The following CUX1 variants were observed in gnomAD, a reference collection of about 807,000 sequenced individuals.
CUX1 encodes the protein protein CASP.
CUX1 carries 31 observed loss-of-function variants against 158.8 expected under a neutral mutation model. That is an observed-to-expected ratio of 0.20 (90% CI 0.15 to 0.26). The LOEUF (loss-of-function observed/expected upper bound fraction) is 0.26. Among genes scored for constraint, CUX1 ranks in the 10% least tolerant of loss-of-function variants. The probability of loss-of-function intolerance (pLI) is 1.00; values close to 1 mark genes in which losing one functional copy is unlikely to be tolerated. For synonymous variants in CUX1, 879 were observed against 862.1 expected, an observed-to-expected ratio of 1.02 and a Z score of -0.34; for missense variants, 1,589 against 2,014.6, an observed-to-expected ratio of 0.79 and a Z score of 4.04.
At chr7:102,126,163 A>G (rs931157213) in intron 8 of CUX1, among the ~76,000 whole-genome samples, 2 of 144,656 alleles carry the variant, frequency 1.4e-5, no homozygotes, top group African/African-American at 5.2e-5. Context: ...ACAAGTGTGC[A>G]CCACCATTTC....
intron 20 of CUX1, among the ~76,000 whole-genome samples, chr7:102,281,318 T>C (rs1554549181): frequency 1.3e-5 from 2 of 151,584 alleles, no homozygotes; most frequent in Admixed American, 6.6e-5. Context: ...TACAGTGAGC[T>C]GTGACCACTA....
At chr7:101,983,447 G>GCCAC (rs1158969817) in intron 2 of CUX1, among the ~76,000 whole-genome samples, 1 of 152,180 alleles carries the variant, frequency 6.6e-6, no homozygotes, top group Non-Finnish European at 1.5e-5. Flanking sequence ...ACCCTGGGGT[G>GCCAC]CCCTGGGCCC....
intron 16 of CUX1, 131 bp from the exon 17 acceptor site, chr7:102,199,940 G>A: frequency 1.6e-6 from 1 of 640,160 alleles, no homozygotes; most frequent in Non-Finnish European, 2.7e-6. Flanking sequence ...ACAGGCCACT[G>A]GGAGGCCACA....
chr7:102,246,471 C>A (rs1297532469), intron 23 of CUX1, among the ~76,000 whole-genome samples: 4 of 152,174 alleles, frequency 2.6e-5, no homozygotes, highest in African/African-American at 9.7e-5. Flanking sequence ...CTGCACCCCA[C>A]CAGAGTTCAA....
chr7:101,948,308 G>A (rs988924522), intron 2 of CUX1, among the ~76,000 whole-genome samples: 1 of 152,186 alleles, frequency 6.6e-6, no homozygotes, highest in African/African-American at 2.4e-5. Flanking sequence ...GTTGTTGAGG[G>A]TTTTCTAAAA....
At chr7:102,104,069 T>C (rs1182448759) in intron 5 of CUX1, among the ~76,000 whole-genome samples, 1 of 152,168 alleles carries the variant, frequency 6.6e-6, no homozygotes, top group African/African-American at 2.4e-5. Context: ...CCCACCCTTT[T>C]TTTTCTTTAA....
Position 101,817,735 on chromosome 7 carries a change from G to GA in CUX1, c.30+66_30+67insA. ...CGGAGGGAACCGGGGATGTCGGGGG[G>GA]TGCCCGGGTCCCGCGGCTTAGAATG... On this transcript the variant is annotated intron_variant, in intron 1 of 23. Transcript: ENST00000292535. This position sits in a 1 kb window ranked among gnomAD's most constrained non-coding sequence, Gnocchi z 4.1. 1.3e-6 allele frequency: 2 copies of GA among 1,535,706 alleles called. No homozygotes were observed. The highest frequency in any genetic ancestry group is 2.0e-5 in the Admixed American group (1 of 50,484).
chr7:102,131,763 C>G (rs1262063033), intron 8 of CUX1, among the ~76,000 whole-genome samples: 1 of 151,564 alleles, frequency 6.6e-6, no homozygotes, highest in Admixed American at 6.6e-5. Context: ...ACCTCTGCCT[C>G]CCAGGTTCAA....
At position 102,097,414 on chromosome 7, in the gene CUX1, C is replaced by T. The variant is rs782680467; in HGVS notation, c.319C>T (p.Arg107Cys). The change falls in exon 5 of 24, where the codon CGC becomes TGC. Residue 107 changes from arginine (R) to cysteine (C), a missense_variant. This residue lies in a region of CUX1 where 515 missense variants were observed against 574.4 expected (regional missense o/e 0.90). Coordinates refer to ENST00000292535, the MANE Select transcript of CUX1 (RefSeq NM_181552.4). ...LGQQLQLKVQ[R>C]LHDIETENQK... is the part of the protein sequence containing the mutation. ...ACAGCAACTCCAGCTCAAAGTGCAG[C>T]GCCTGCACGATATTGAAACAGAGAA... 9.3e-6 allele frequency: 15 copies of T among 1,613,496 alleles called. No homozygotes were observed. Among genetic ancestry groups the T allele is most frequent in the African/African-American group, 1.3e-5 (1 of 74,878 alleles).
At position 102,144,376 on chromosome 7, in the gene CUX1, G is replaced by A. The variant is rs559388316; in HGVS notation, c.675-14184G>A. On this transcript the variant is annotated intron_variant, in intron 8 of 23. Coordinates refer to ENST00000292535, the MANE Select transcript of CUX1 (RefSeq NM_181552.4). ...GCGTGACCTGGTGTCAGCATCTCCC[G>A]TTCATGGCCCATCCCGTCTCACCTG... 4.6e-5 allele frequency among the ~76,000 whole-genome samples: 7 copies of A among 152,080 alleles called. No homozygotes were observed. The East Asian group carries it at 9.7e-4, about 21-fold the overall frequency.
intron 16 of CUX1, chr7:102,274,433 C>A: frequency 2.6e-6 from 2 of 765,756 alleles, no homozygotes; most frequent in South Asian, 1.7e-5. Context: ...GCCCCCACGC[C>A]TGCAATGCAG....
At chr7:101,952,260 C>T (rs1345238224) in intron 2 of CUX1, among the ~76,000 whole-genome samples, 2 of 152,136 alleles carry the variant, frequency 1.3e-5, no homozygotes, top group Non-Finnish European at 2.9e-5. Context: ...GTAGCATATG[C>T]CTGTATTCCC....
At chr7:102,163,704 G>A (rs1790705322) in intron 9 of CUX1, among the ~76,000 whole-genome samples, 1 of 152,220 alleles carries the variant, frequency 6.6e-6, no homozygotes, top group Non-Finnish European at 1.5e-5. Context: ...CATCCCTGCG[G>A]AGGTGAGCTG....
chr7:102,257,010 G>A lies in CUX1; in HGVS notation c.*7968G>A, dbSNP rs1256751570. 1 of 985,304 alleles carries A rather than the reference G, an allele frequency of 1.0e-6. No homozygotes were observed. The allele number at this position is 985,304 out of a possible 1,614,324, so 61.0% of individuals were successfully genotyped here. A position where few individuals can be genotyped will look rare whatever the true frequency, so the allele number is the denominator to read the frequency against. ...CTTTCCCCTATAGGTGGTTCAACGT[G>A]GAGGAAGGTTGGGTGTGGAGATTGC... On this transcript the variant is annotated 3_prime_UTR_variant, in exon 24 of 24. Transcript: ENST00000292535.
chr7:102,052,001 CAGGAGTT>C (rs991479510), intron 3 of CUX1, among the ~76,000 whole-genome samples: 60 of 152,174 alleles, frequency 3.9e-4, no homozygotes, highest in African/African-American at 1.4e-3. Flanking sequence ...CACTTGAGGT[CAGGAGTT>C]TGAGAACAGC....
At chr7:101,816,096 C>T (rs761227961), upstream of CUX1, 27 of 1,370,888 alleles carry the variant, frequency 2.0e-5, no homozygotes, top group Non-Finnish European at 2.3e-5. Context: ...AGCTGCAGGT[C>T]AGGCTCCTCC....
Position 102,201,208 on chromosome 7 carries a change from A to G in CUX1, c.2063-152A>G. 3 of 1,195,594 alleles carry G rather than the reference A, an allele frequency of 2.5e-6. No individual in the cohort carries two copies. The highest frequency in any genetic ancestry group is 3.5e-6 in the Non-Finnish European group (3 of 854,218). The allele number at this position is 1,195,594 out of a possible 1,614,324, so 74.1% of individuals were successfully genotyped here. A position where few individuals can be genotyped will look rare whatever the true frequency, so the allele number is the denominator to read the frequency against. On this transcript the variant is annotated intron_variant, in intron 17 of 23. Transcript: ENST00000292535. This position sits in a 1 kb window ranked among gnomAD's most constrained non-coding sequence, Gnocchi z 5.0. ...TCCTTGGTTGAGACAAGATGCCTGA[A>G]TGTTTCACTGACAGGGGCCATGCTG...
At chr7:102,147,327 T>TCCCCTTCC (rs1375651450) in intron 8 of CUX1, among the ~76,000 whole-genome samples, 2 of 152,166 alleles carry the variant, frequency 1.3e-5, no homozygotes, top group African/African-American at 4.8e-5. Context: ...CCTCCCCTCC[T>TCCCCTTCC]CCCCTTCCCC....
At chr7:102,238,470 C>G (rs1303370278) in intron 22 of CUX1, among the ~76,000 whole-genome samples, 1 of 152,140 alleles carries the variant, frequency 6.6e-6, no homozygotes, top group Non-Finnish European at 1.5e-5. Flanking sequence ...GGTTATAGAG[C>G]AAGGATTATT....
Sources: gnomAD v4.1 joint callset for allele counts (sites outside exome capture counted in the v4.1 genomes callset) on GRCh38, gnomAD v4.1.1 for gene constraint, gnomAD v4.1.1 regional missense constraint, Gnocchi (gnomAD v3.1) non-coding constraint, MANE v1.5 for transcripts, NCBI Gene and HGNC (gene_info 2026-07-23, HGNC 2026-07-21) for gene names.